The following TTLL11 variants were observed in gnomAD, a reference collection of about 807,000 sequenced individuals.
TTLL11 encodes the protein tubulin polyglutamylase TTLL11.
Under a neutral mutation model 51.7 loss-of-function variants are expected in TTLL11, and 42 were observed. The observed-to-expected ratio is 0.81, with a 90% CI of 0.64 to 1.05. The LOEUF is 1.05. Ranked by LOEUF, TTLL11 falls within the 50% of genes least tolerant of loss-of-function variation. The pLI, the probability that TTLL11 is intolerant of heterozygous loss-of-function variation, is 0.00. For missense variants in TTLL11, 799 were observed against 940.4 expected, an observed-to-expected ratio of 0.85 and a Z score of 1.97; for synonymous variants, 381 against 383.5, an observed-to-expected ratio of 0.99 and a Z score of 0.08.
Position 122,076,884 on chromosome 9 carries a change from T to C in TTLL11, c.462+15803A>G, listed in dbSNP as rs549509814. On this transcript the variant is annotated intron_variant, in intron 1 of 8. Coordinates refer to ENST00000321582, the MANE Select transcript of TTLL11 (RefSeq NM_001139442.2). ...GAAGAAATCCTCACCTAGAAATGTC[T>C]TACTGACAGCGAAGACATCTAAGAC... Among the ~76,000 whole-genome samples, 279 of 152,244 alleles carry C rather than the reference T, an allele frequency of 1.8e-3. 1 individual carries two copies. The highest frequency in any genetic ancestry group is 6.6e-3 in the African/African-American group (273 of 41,542).
intron 1 of TTLL11, among the ~76,000 whole-genome samples, chr9:122,071,567 A>T (rs1304614065): frequency 6.6e-6 from 1 of 152,144 alleles, no homozygotes; most frequent in African/African-American, 2.4e-5. Flanking sequence ...GAGAGACACC[A>T]GCAAGCCTCG....
chr9:121,889,796 C>T (rs754846980), intron 6 of TTLL11, among the ~76,000 whole-genome samples: 7 of 150,976 alleles, frequency 4.6e-5, no homozygotes, highest in East Asian at 2.0e-4. Context: ...GCTACTCTGG[C>T]GGCTGAGGCA....
intron 1 of TTLL11, among the ~76,000 whole-genome samples, chr9:122,062,425 T>G (rs1199232720): frequency 6.7e-6 from 1 of 150,356 alleles, no homozygotes. Flanking sequence ...CAAATCTGTA[T>G]CCCATTATAA....
At chr9:121,961,313 T>C (rs977104681) in intron 6 of TTLL11, among the ~76,000 whole-genome samples, 4 of 152,216 alleles carry the variant, frequency 2.6e-5, no homozygotes, top group Non-Finnish European at 5.9e-5. Flanking sequence ...ATATTTTCCA[T>C]GTCAAATACT....
intron 8 of TTLL11, among the ~76,000 whole-genome samples, chr9:121,826,213 TATATGC>T (rs1564259984): frequency 1.8e-5 from 2 of 108,562 alleles, no homozygotes; most frequent in African/African-American, 9.0e-5. Flanking sequence ...TATATATATA[TATATGC>T]ACACATATAT....
intron 6 of TTLL11, among the ~76,000 whole-genome samples, chr9:121,933,253 A>G (rs1052890748): frequency 4.6e-5 from 7 of 152,220 alleles, no homozygotes; most frequent in African/African-American, 1.7e-4. Flanking sequence ...AGTGGGTACC[A>G]TAGATGCCGG....
rs529825189 is a variant in TTLL11 at position 122,071,350 on chromosome 9, G to A, written c.462+21337C>T. Among the ~76,000 whole-genome samples the A allele has an allele frequency of 2.6e-5, 4 of 152,278 alleles. No individual in the cohort carries two copies. In the South Asian group the frequency reaches 8.3e-4, roughly 32 times the overall value. ...TACCCAGGCAATGAGAATGCGAGCCGCACACAAATCTCTCCCCGCTGCTTT... is the reference window on the plus strand; with the variant it reads ...TACCCAGGCAATGAGAATGCGAGCCACACACAAATCTCTCCCCGCTGCTTT... On this transcript the variant is annotated intron_variant, in intron 1 of 8. Coordinates refer to ENST00000321582, the MANE Select transcript of TTLL11 (RefSeq NM_001139442.2).
In TTLL11 at chr9:121,947,949, A is replaced by T. The variant is rs10739602; in HGVS notation, c.1481+26060T>A. Among the ~76,000 whole-genome samples, 480 of 152,176 alleles carry T rather than the reference A, an allele frequency of 3.2e-3. 4 individuals are homozygous for T. Among genetic ancestry groups the T allele is most frequent in the Admixed American group, 8.9e-3 (136 of 15,292 alleles). ...TGGTGCCGTGCTTTTGGAGGATGGA[A>T]GGAGATTGTAAATTGAAAAGGAATA... On this transcript the variant is annotated intron_variant, in intron 6 of 8. Transcript: ENST00000321582.
chr9:122,077,283 GTT>G (rs1221201454), intron 1 of TTLL11, among the ~76,000 whole-genome samples: 4 of 152,174 alleles, frequency 2.6e-5, no homozygotes, highest in African/African-American at 9.6e-5. Context: ...AATTTGTGAA[GTT>G]CAAAAAAGAA....
intron 8 of TTLL11, among the ~76,000 whole-genome samples, chr9:121,825,549 C>T (rs150764464): frequency 7.1e-4 from 108 of 152,248 alleles, no homozygotes; most frequent in South Asian, 1.0e-3. Context: ...GGCGTCTTGT[C>T]CAGGACTGTG....
rs75527629 is a variant in TTLL11 at position 121,838,321 on chromosome 9, C to A, written c.1841-15442G>T. 5.4e-4 allele frequency among the ~76,000 whole-genome samples: 82 copies of A among 152,326 alleles called. No homozygotes were observed. The East Asian group carries it at 0.014, about 26-fold the overall frequency. On this transcript the variant is annotated intron_variant, in intron 8 of 8. Coordinates refer to ENST00000321582, the MANE Select transcript of TTLL11 (RefSeq NM_001139442.2). ...AAACCTCTGCTCTCCTGCCCTCCCC[C>A]ACCTGAGCAGCTGTCGTCCCTTGAA...
intron 2 of TTLL11, among the ~76,000 whole-genome samples, chr9:122,035,661 G>A (rs1201986865): frequency 6.6e-6 from 1 of 152,164 alleles, no homozygotes; most frequent in Admixed American, 6.5e-5. Context: ...TCTCTATTCT[G>A]ATTGCCACTA....
Position 121,871,594 on chromosome 9 carries a change from C to T in TTLL11, c.1482-846G>A, listed in dbSNP as rs139286929. On this transcript the variant is annotated intron_variant, in intron 6 of 8. Transcript: ENST00000321582. The stretch of plus-strand genomic sequence containing the variant: ...CTCTGGCTTTGCCCATCCATAGATC[C>T]ATCCTTCAAACTGGCACCTGAGTCA... 2.0e-5 allele frequency among the ~76,000 whole-genome samples: 3 copies of T among 152,292 alleles called. No homozygotes were observed. The East Asian group carries it at 5.8e-4, about 29-fold the overall frequency.
At chr9:121,928,860 C>T (rs936284960) in intron 6 of TTLL11, among the ~76,000 whole-genome samples, 3 of 152,118 alleles carry the variant, frequency 2.0e-5, no homozygotes, top group African/African-American at 4.8e-5. Context: ...GTGTGAGCTA[C>T]CACACCCCCT....
intron 6 of TTLL11, among the ~76,000 whole-genome samples, chr9:121,888,383 G>A (rs1166230084): frequency 2.0e-5 from 3 of 152,190 alleles, no homozygotes; most frequent in African/African-American, 7.2e-5. Flanking sequence ...GCTTGTTCAA[G>A]GTTTCCCAGC....
chr9:122,000,238 G>A lies in TTLL11; in HGVS notation c.694-10468C>T, dbSNP rs527736017. Among the ~76,000 whole-genome samples, 8 of 152,162 alleles carry A rather than the reference G, an allele frequency of 5.3e-5. No homozygotes were observed. The South Asian group carries it at 6.2e-4, about 12-fold the overall frequency. On this transcript the variant is annotated intron_variant, in intron 3 of 8. Transcript: ENST00000321582. ...TGTAATCCCAGGACTTTGAGAGGCCGAGGCAGGCGGATCACGAGGTCAGGA... is the reference window on the plus strand; with the variant it reads ...TGTAATCCCAGGACTTTGAGAGGCCAAGGCAGGCGGATCACGAGGTCAGGA...
chr9:121,971,263 T>TG (rs1170128943), intron 6 of TTLL11, among the ~76,000 whole-genome samples: 128 of 10,692 alleles, frequency 0.012, 21 homozygotes, highest in South Asian at 0.055. Flanking sequence ...GGGAGGGAGG[T>TG]GGGGGGGGGG....
At position 122,092,881 on chromosome 9, in the gene TTLL11, G is replaced by C. The variant is rs1404221655; in HGVS notation, c.268C>G (p.Pro90Ala). Residue 90 changes from proline to alanine, a missense_variant, in exon 1 of 9, where the codon CCG (proline) becomes GCG (alanine). Coordinates refer to ENST00000321582, the MANE Select transcript of TTLL11 (RefSeq NM_001139442.2). ...CCCTGCACCGGCTTCGGCTTGGACG[G>C]GGGCAGCGTGGGCGGCGGCCGCTGA... is the stretch of plus-strand genomic sequence containing the variant. ...VLQRPPPTLP[P>A]SKPKPVQGLC... 8 of 1,569,616 alleles carry C rather than the reference G, an allele frequency of 5.1e-6. No individual in the cohort carries two copies. Among genetic ancestry groups the C allele is most frequent in the East Asian group, 2.3e-5 (1 of 43,096 alleles).
In TTLL11 at chr9:122,033,143, G is replaced by A. The variant is rs186264064; in HGVS notation, c.560-1287C>T. Among the ~76,000 whole-genome samples, 492 of 151,760 alleles carry A rather than the reference G, an allele frequency of 3.2e-3. 1 individual carries two copies. The highest frequency in any genetic ancestry group is 5.8e-3 in the Admixed American group (88 of 15,224). On this transcript the variant is annotated intron_variant, in intron 2 of 8. Coordinates refer to ENST00000321582, the MANE Select transcript of TTLL11 (RefSeq NM_001139442.2). ...TCTTTTTCTTTTTAGGCAGAGTTTCGCTCTTGTTGCCTAGACTGGAGTGCA... is the reference window on the plus strand; with the variant it reads ...TCTTTTTCTTTTTAGGCAGAGTTTCACTCTTGTTGCCTAGACTGGAGTGCA...
Sources: allele counts gnomAD v4.1 joint callset (sites outside exome capture counted in the v4.1 genomes callset), GRCh38; gene constraint gnomAD v4.1.1; transcripts MANE v1.5; gene names NCBI Gene and HGNC (gene_info 2026-07-23, HGNC 2026-07-21).